The following KRT77 variants were observed in gnomAD, a reference collection of about 807,000 sequenced individuals.
KRT77 encodes the protein keratin, type II cytoskeletal 1b.
In KRT77, 44 loss-of-function variants were observed where a neutral mutation model predicts 51.5. That is an observed-to-expected ratio of 0.85 (90% CI 0.67 to 1.10). The LOEUF (loss-of-function observed/expected upper bound fraction) is 1.10, where lower values mean the gene tolerates loss of function less well. KRT77 is among the 50% of genes least tolerant of loss of function. The probability of loss-of-function intolerance (pLI) is 0.00; values close to 1 mark genes in which losing one functional copy is unlikely to be tolerated. For synonymous variants in KRT77, 293 were observed against 302.0 expected, an observed-to-expected ratio of 0.97 and a Z score of 0.31; for missense variants, 763 against 743.9, an observed-to-expected ratio of 1.03 and a Z score of -0.30.
At chr12:52,691,888 C>T (rs1276839659) in intron 8 of KRT77, 50 bp downstream of exon 8, 2 of 1,611,318 alleles carry the variant, frequency 1.2e-6, no homozygotes, top group Non-Finnish European at 8.5e-7. Context: ...CTGGCCCTCC[C>T]TCCACCCAGC....
chr12:52,694,799 C>T lies in KRT77; in HGVS notation c.916-9G>A. 1 of 1,593,488 alleles carries T rather than the reference C, an allele frequency of 6.3e-7. No homozygotes were observed. Among genetic ancestry groups the T allele is most frequent in the African/African-American group, 1.3e-5 (1 of 74,710 alleles). ...TGCACCTGAGACAGCTCCTGCGAGG[C>T]ATGGCGCACAGGCTGACTCCTTCCA... On this transcript the variant is annotated splice_polypyrimidine_tract_variant and intron_variant, in intron 4 of 8. Transcript: ENST00000341809.
In KRT77 at chr12:52,694,615, G is replaced by A; in HGVS notation, c.1080+11C>T. ...GTTTTTCTGGGCACCAGATCTGGGG[G>A]CCACGCCCACCTTGGTCTGGTACAG... On this transcript the variant is annotated intron_variant, in intron 5 of 8. Coordinates refer to ENST00000341809, the MANE Select transcript of KRT77 (RefSeq NM_175078.3). 2 of 1,584,814 alleles carry A rather than the reference G, an allele frequency of 1.3e-6. No homozygotes were observed. Among genetic ancestry groups the A allele is most frequent in the Middle Eastern group, 1.9e-4 (1 of 5,222 alleles).
At position 52,697,848 on chromosome 12, in the gene KRT77, A is replaced by G. The variant is rs1941822251; in HGVS notation, c.592T>C (p.Leu198=). 1 of 1,613,520 alleles carries G rather than the reference A, an allele frequency of 6.2e-7. No homozygotes were observed. Among genetic ancestry groups the G allele is most frequent in the Non-Finnish European group, 8.5e-7 (1 of 1,179,856 alleles). The part of the protein sequence containing the change: ...QNQVLQTKWE[L]LQQVNTSTGT... Reference sequence around the variant, plus strand: ...GTTGAGGTGTTCACCTGCTGCAGCAACTCCCATTTTGTTTGTAGCACCTGG... The same window carrying G: ...GTTGAGGTGTTCACCTGCTGCAGCAGCTCCCATTTTGTTTGTAGCACCTGG... The change falls in exon 2 of 9, where the codon TTG becomes CTG. Residue 198 remains leucine, a synonymous_variant. Coordinates refer to ENST00000341809, the MANE Select transcript of KRT77 (RefSeq NM_175078.3).
Position 52,691,255 on chromosome 12 carries a change from G to A in KRT77, c.1647C>T (p.Tyr549=). 1.9e-6 allele frequency: 3 copies of A among 1,609,714 alleles called. No individual in the cohort carries two copies. Among genetic ancestry groups the A allele is most frequent in the Non-Finnish European group, 2.5e-6 (3 of 1,178,154 alleles). Residue 549 remains tyrosine (Y), a synonymous_variant, in exon 9 of 9, where the codon TAC becomes TAT. Coordinates refer to ENST00000341809, the MANE Select transcript of KRT77 (RefSeq NM_175078.3). ...CGCGGCCGCTTCTGCCGCTCCCTCC[G>A]TAGCTCCCGCCACCGCCGCCGCAGC... ...GSGCGGGGGS[Y]GGSGRSGRGS...
Position 52,691,231 on chromosome 12 carries a change from G to T in KRT77, c.1671C>A (p.Arg557=). ...GSYGGSGRSG[R]GSSRVQIIQT... is the part of the protein sequence containing the mutation. ...GGATGATCTGCACGCGCGAGGATCCGCGGCCGCTTCTGCCGCTCCCTCCGT... is the reference window on the plus strand; with the variant it reads ...GGATGATCTGCACGCGCGAGGATCCTCGGCCGCTTCTGCCGCTCCCTCCGT... The change falls in exon 9 of 9, where the codon CGC becomes CGA. Residue 557 remains arginine, a synonymous_variant. Transcript: ENST00000341809. 6.2e-7 allele frequency: 1 copy of T among 1,613,796 alleles called. No homozygotes were observed. Among genetic ancestry groups the T allele is most frequent in the South Asian group, 1.1e-5 (1 of 91,052 alleles).
In KRT77 at chr12:52,691,441, T is replaced by C. The variant is rs1401650928; in HGVS notation, c.1463-2A>G. ...CGCTCACCTGGCTGTTCTGCACGGC[T>C]GTGGGTAGGGGACAGTGCACACGGG... On this transcript the variant is annotated splice_acceptor_variant, in intron 8 of 8. Coordinates refer to ENST00000341809, the MANE Select transcript of KRT77 (RefSeq NM_175078.3). LOFTEE classifies it high-confidence loss of function. The C allele has an allele frequency of 6.3e-7, 1 of 1,582,304 alleles. No homozygotes were observed. The highest frequency in any genetic ancestry group is 1.2e-5 in the South Asian group (1 of 86,760).
chr12:52,703,037 G>A lies in KRT77; in HGVS notation c.398C>T (p.Pro133Leu), dbSNP rs1345828562. The A allele has an allele frequency of 4.3e-6, 7 of 1,613,846 alleles. No individual in the cohort carries two copies. The highest frequency in any genetic ancestry group is 2.7e-5 in the African/African-American group (2 of 74,828). The change falls in exon 1 of 9, where the codon CCT becomes CTT. Residue 133 changes from proline (P) to leucine (L), a missense_variant. Pro to Leu is a moderately conservative substitution (Grantham distance 98). Transcript: ENST00000341809. ...AATGGTCACCTCTTGGATGCCCCCA[G>A]GAGGACAATAAGGACCAAAGCCCCC... ...GLGGFGPYCP[P>L]GGIQEVTINQ...
Position 52,692,609 on chromosome 12 carries a change from A to G in KRT77, c.1239T>C (p.Ala413=), listed in dbSNP as rs368607085. 1.9e-6 allele frequency: 3 copies of G among 1,539,842 alleles called. No homozygotes were observed. The highest frequency in any genetic ancestry group is 2.2e-5 in the East Asian group (1 of 44,830). ...IEQMQSLISD[A]EERGEQALQD... ...GGAGGGCCTGCTCGCCTCTCTCCTC[A>G]GCATCCGAAATGAGTGACTGCATCT... is the stretch of plus-strand genomic sequence containing the variant. The change falls in exon 7 of 9, where the codon GCT becomes GCC. Residue 413 remains alanine (A), a synonymous_variant. Coordinates refer to ENST00000341809, the MANE Select transcript of KRT77 (RefSeq NM_175078.3).
At chr12:52,692,042 A>G (rs939608) in intron 7 of KRT77, 70 bp from the exon 8 acceptor site, 37 of 1,525,338 alleles carry the variant, frequency 2.4e-5, no homozygotes, top group Non-Finnish European at 3.3e-5. Flanking sequence ...GCCCACAGAC[A>G]TCTGGATCAG....
chr12:52,699,902 G>A (rs533269746), intron 1 of KRT77, among the ~76,000 whole-genome samples: 18 of 152,178 alleles, frequency 1.2e-4, no homozygotes, highest in African/African-American at 3.1e-4. Flanking sequence ...TGCCCAACAC[G>A]GAGAAGACAA....
At chr12:52,701,074 C>T (rs1035932913) in intron 1 of KRT77, among the ~76,000 whole-genome samples, 4 of 152,238 alleles carry the variant, frequency 2.6e-5, no homozygotes, top group African/African-American at 9.6e-5. Flanking sequence ...CCTCTGCCCA[C>T]TGCCCTATGC....
At chr12:52,692,706 T>A (rs150628461) in intron 6 of KRT77, 49 bp downstream of exon 6, 1 of 1,599,122 alleles carries the variant, frequency 6.3e-7, no homozygotes, top group Admixed American at 1.7e-5. Context: ...TGGCAGGGCA[T>A]TGTAGGAGGT....
At chr12:52,695,073 T>G (rs1427612529) in intron 4 of KRT77, 1 of 230,528 alleles carries the variant, frequency 4.3e-6, no homozygotes, top group Non-Finnish European at 8.4e-6. Context: ...GCCACCATAG[T>G]GAGCTGGGCT....
chr12:52,692,971 G>T, intron 5 of KRT77, 91 bp from the exon 6 acceptor site: 1 of 1,438,762 alleles, frequency 7.0e-7, no homozygotes, highest in Non-Finnish European at 9.6e-7. Flanking sequence ...TCCCCTGGGA[G>T]ATTCCCACCC....
chr12:52,691,158 G>A lies in KRT77; in HGVS notation c.*7C>T, dbSNP rs769501527. The A allele has an allele frequency of 1.9e-6, 3 of 1,614,052 alleles. No homozygotes were observed. The highest frequency in any genetic ancestry group is 2.5e-6 in the Non-Finnish European group (3 of 1,179,972). ...GGCAGGCGTGATGTGTGGCAGAAAC[G>A]AGGCCTCTACTCCAAGATCCGCCTG... On this transcript the variant is annotated 3_prime_UTR_variant, in exon 9 of 9. Transcript: ENST00000341809.
chr12:52,694,610 T>A lies in KRT77; in HGVS notation c.1080+16A>T. ...AATCTGTTTTTCTGGGCACCAGATC[T>A]GGGGGCCACGCCCACCTTGGTCTGG... On this transcript the variant is annotated intron_variant, in intron 5 of 8. Transcript: ENST00000341809. 1 of 1,582,564 alleles carries A rather than the reference T, an allele frequency of 6.3e-7. No homozygotes were observed. The highest frequency in any genetic ancestry group is 8.6e-7 in the Non-Finnish European group (1 of 1,160,236).
chr12:52,702,885 T>G lies in KRT77; in HGVS notation c.543+7A>C, dbSNP rs1257842488. ...CCAATGACCCTCCCTGCCCCTGAGG[T>G]GCTCACCTTGTCAATGAAGGAGGCA... On this transcript the variant is annotated splice_region_variant and intron_variant, in intron 1 of 8. Transcript: ENST00000341809. 6.2e-7 allele frequency: 1 copy of G among 1,613,728 alleles called. No individual in the cohort carries two copies. The highest frequency in any genetic ancestry group is 8.5e-7 in the Non-Finnish European group (1 of 1,179,868).
In KRT77 at chr12:52,691,380, A is replaced by G; in HGVS notation, c.1522T>C (p.Ser508Pro). 6.2e-7 allele frequency: 1 copy of G among 1,602,692 alleles called. No homozygotes were observed. The highest frequency in any genetic ancestry group is 8.5e-7 in the Non-Finnish European group (1 of 1,177,532). The change falls in exon 9 of 9, where the codon TCA becomes CCA. Residue 508 changes from serine to proline, a missense_variant. Physicochemically the swap from Ser to Pro is moderately conservative, Grantham distance 74. Coordinates refer to ENST00000341809, the MANE Select transcript of KRT77 (RefSeq NM_175078.3). Reference sequence around the variant, plus strand: ...CCGCTGCCGCCGCCGTAGCCTCCTGAGCCGTAGCTGCCGCCGCCTCCCGCG... The same window carrying G: ...CCGCTGCCGCCGCCGTAGCCTCCTGGGCCGTAGCTGCCGCCGCCTCCCGCG... ...GGAGGGGSYG[S>P]GGYGGGSGGG...
rs543564248 is a variant in KRT77, at chr12:52,695,522, G to A, written c.915+250C>T. The stretch of plus-strand genomic sequence containing the variant: ...ATTTCCCAGACAGATTGGAAGCCAT[G>A]AACCAGGGACACATTCGCCTCCACC... On this transcript the variant is annotated intron_variant, in intron 4 of 8. Coordinates refer to ENST00000341809, the MANE Select transcript of KRT77 (RefSeq NM_175078.3). Among the ~76,000 whole-genome samples the A allele has an allele frequency of 1.2e-3, 186 of 152,304 alleles. 1 individual carries two copies. The highest frequency in any genetic ancestry group is 4.1e-3 in the African/African-American group (169 of 41,566).
Sources: allele counts gnomAD v4.1 joint callset (sites outside exome capture counted in the v4.1 genomes callset), GRCh38; gene constraint gnomAD v4.1.1; transcripts MANE v1.5; gene names NCBI Gene and HGNC (gene_info 2026-07-23, HGNC 2026-07-21).